Variants in NUP133 observed in about 807,000 individuals in gnomAD.
NUP133 encodes nucleoporin 133, also known as nuclear pore complex protein Nup133.
In NUP133, 66 loss-of-function variants were observed where a neutral mutation model predicts 146.2. That is an observed-to-expected ratio of 0.45 (90% confidence interval 0.37 to 0.55). The LOEUF (loss-of-function observed/expected upper bound fraction) is 0.55. NUP133 is among the 20% of genes least tolerant of loss of function. The pLI is 0.00. For missense variants in NUP133, 1,277 were observed against 1,374.8 expected, an observed-to-expected ratio of 0.93 and a Z score of 1.12; for synonymous variants, 521 against 498.8, an observed-to-expected ratio of 1.04 and a Z score of -0.59.
chr1:229,443,669 A>G lies in NUP133; in HGVS notation c.3334+1245T>C, dbSNP rs138237884. On this transcript the variant is annotated intron_variant, in intron 25 of 25. Transcript: ENST00000261396. The stretch of plus-strand genomic sequence containing the variant: ...AAGTACATTTGTCCTGTTATTAAAA[A>G]ACCGCACGCCTTATATATGTAAAAT... Among the ~76,000 whole-genome samples the G allele has an allele frequency of 9.1e-3, 1,380 of 152,026 alleles. 20 individuals are homozygous for G. The highest frequency in any genetic ancestry group is 0.031 in the African/African-American group (1,301 of 41,490).
chr1:229,464,342 T>A (rs1421317626), intron 18 of NUP133, among the ~76,000 whole-genome samples: 4 of 152,184 alleles, frequency 2.6e-5, no homozygotes, highest in Non-Finnish European at 4.4e-5. Flanking sequence ...TGCAATCCAG[T>A]TATTCACGTA....
chr1:229,462,160 A>G (rs1660708044), intron 19 of NUP133, among the ~76,000 whole-genome samples: 2 of 152,250 alleles, frequency 1.3e-5, no homozygotes, highest in Admixed American at 1.3e-4. Context: ...CTGGGATTAC[A>G]GGCGTGAGCC....
At position 229,441,452 on chromosome 1, in the gene NUP133, AT is replaced by A; in HGVS notation, c.*451del. ...AAAGTTGACATTTATCTTACTAGAC[AT>A]TTCCCATTAGCCCTAACTGAAACAG... On this transcript the variant is annotated 3_prime_UTR_variant, in exon 26 of 26. Coordinates refer to ENST00000261396, the MANE Select transcript of NUP133 (RefSeq NM_018230.3). 1.9e-6 allele frequency: 1 copy of A among 532,508 alleles called. No homozygotes were observed. 33.0% of individuals were successfully genotyped at this position (532,508 alleles called of 1,614,324 possible). A position where few individuals can be genotyped will look rare whatever the true frequency, so the allele number is the denominator to read the frequency against.
chr1:229,508,055 G>A lies in NUP133; in HGVS notation c.182+13C>T, dbSNP rs766473292. ...GCTGTTGGTTGCCAGACCCAACCAG[G>A]GAGATCACTTACCGCGAGCTTAGCG... On this transcript the variant is annotated intron_variant, in intron 1 of 25. Coordinates refer to ENST00000261396, the MANE Select transcript of NUP133 (RefSeq NM_018230.3). The A allele has an allele frequency of 1.4e-6, 2 of 1,478,728 alleles. No individual in the cohort carries two copies. Among genetic ancestry groups the A allele is most frequent in the African/African-American group, 2.9e-5 (2 of 69,250 alleles). The allele number at this position is 1,478,728 out of a possible 1,614,324, so 91.6% of individuals were successfully genotyped here. A position where few individuals can be genotyped will look rare whatever the true frequency, so the allele number is the denominator to read the frequency against.
chr1:229,451,498 G>A (rs1179649098), intron 22 of NUP133, among the ~76,000 whole-genome samples: 1 of 152,076 alleles, frequency 6.6e-6, no homozygotes, highest in Non-Finnish European at 1.5e-5. Context: ...CTTATCCCTG[G>A]TTAGATTACA....
In NUP133 at chr1:229,445,211, G is replaced by C. The variant is rs900095446; in HGVS notation, c.3246-209C>G. On this transcript the variant is annotated intron_variant, in intron 24 of 25. Coordinates refer to ENST00000261396, the MANE Select transcript of NUP133 (RefSeq NM_018230.3). ...ATTAGATATAAGACATTACACTCTA[G>C]GGAACATGCAAGAGACGCCAAGGAA... Among the ~76,000 whole-genome samples, 5 of 152,162 alleles carry C rather than the reference G, an allele frequency of 3.3e-5. No homozygotes were observed. In the East Asian group the frequency reaches 9.7e-4, roughly 29 times the overall value.
chr1:229,483,602 G>C (rs1330260840), intron 12 of NUP133, among the ~76,000 whole-genome samples: 1 of 151,562 alleles, frequency 6.6e-6, no homozygotes, highest in Non-Finnish European at 1.5e-5. Context: ...CTACTTGGGA[G>C]GCTGAGGCAG....
chr1:229,466,700 C>T lies in NUP133; in HGVS notation c.2133G>A (p.Leu711=). 6.2e-7 allele frequency: 1 copy of T among 1,613,784 alleles called. No individual in the cohort carries two copies. ...ECLLEHEEQV[L]RDAPMDSIEW... is the part of the protein sequence containing the mutation. ...CAATGGAATCCATAGGTGCATCCCT[C>T]AAGACTTGCTCCTCATGCTCCAGTA... Residue 711 remains leucine, a synonymous_variant, in exon 16 of 26, where the codon TTG becomes TTA. Coordinates refer to ENST00000261396, the MANE Select transcript of NUP133 (RefSeq NM_018230.3).
Position 229,441,366 on chromosome 1 carries a change from A to G in NUP133, c.*538T>C. ...AATGCTCCCAATGAGTTCATCAGTT[A>G]TCAAGCTCACATGAGTTAGGCCCAC... is the stretch of plus-strand genomic sequence containing the variant. On this transcript the variant is annotated 3_prime_UTR_variant, in exon 26 of 26. Transcript: ENST00000261396. 1.9e-6 allele frequency: 1 copy of G among 527,366 alleles called. No homozygotes were observed. The highest frequency in any genetic ancestry group is 1.4e-5 in the South Asian group (1 of 70,084). 32.7% of individuals were successfully genotyped at this position (527,366 alleles called of 1,614,324 possible). A position where few individuals can be genotyped will look rare whatever the true frequency, so the allele number is the denominator to read the frequency against.
chr1:229,446,161 C>T (rs1181781985), intron 24 of NUP133, among the ~76,000 whole-genome samples: 1 of 152,138 alleles, frequency 6.6e-6, no homozygotes, highest in African/African-American at 2.4e-5. Flanking sequence ...AATCCCAGCA[C>T]TTTGGGAGGC....
chr1:229,489,363 T>A (rs772180389), intron 9 of NUP133, among the ~76,000 whole-genome samples: 1 of 152,188 alleles, frequency 6.6e-6, no homozygotes, highest in Non-Finnish European at 1.5e-5. Context: ...ATCAATACCT[T>A]CTTTCTACCT....
At chr1:229,489,386 G>A (rs1170848262) in intron 9 of NUP133, among the ~76,000 whole-genome samples, 1 of 152,112 alleles carries the variant, frequency 6.6e-6, no homozygotes, top group Non-Finnish European at 1.5e-5. Context: ...ATACAGACAT[G>A]ACAATCCCTC....
At chr1:229,507,009 G>A (rs1458499272) in intron 1 of NUP133, among the ~76,000 whole-genome samples, 2 of 152,070 alleles carry the variant, frequency 1.3e-5, no homozygotes, top group Admixed American at 6.5e-5. Flanking sequence ...GTCTTATCAC[G>A]AGAATTAAAT....
At chr1:229,504,359 C>T (rs1262341655) in intron 2 of NUP133, among the ~76,000 whole-genome samples, 3 of 152,124 alleles carry the variant, frequency 2.0e-5, no homozygotes, top group Admixed American at 6.5e-5. Context: ...CCAGAAAAAT[C>T]ACAAAGATCT....
intron 15 of NUP133, among the ~76,000 whole-genome samples, 175 bp from the exon 16 acceptor site, chr1:229,466,931 CTT>C (rs779609962): frequency 2.6e-5 from 4 of 152,174 alleles, no homozygotes; most frequent in African/African-American, 4.8e-5. Context: ...CATCTCCTAA[CTT>C]TTAAAAGTCA....
intron 2 of NUP133, among the ~76,000 whole-genome samples, chr1:229,504,180 G>C (rs1409228949): frequency 2.0e-5 from 3 of 151,894 alleles, no homozygotes; most frequent in African/African-American, 7.3e-5. Flanking sequence ...ACAGTAAATA[G>C]AGTTATTCAC....
chr1:229,453,410 C>T (rs182050605), intron 21 of NUP133, among the ~76,000 whole-genome samples: 1 of 140,810 alleles, frequency 7.1e-6, no homozygotes, highest in East Asian at 1.9e-4. Flanking sequence ...TGTCTAGCAT[C>T]ACCTAGTGGC....
At chr1:229,483,395 C>T (rs1661264193) in intron 12 of NUP133, among the ~76,000 whole-genome samples, 1 of 152,148 alleles carries the variant, frequency 6.6e-6, no homozygotes, top group African/African-American at 2.4e-5. Context: ...GCCACCACAC[C>T]AGGCCATAAT....
rs148907603 is a variant in NUP133 at position 229,501,185 on chromosome 1, C to A, written c.406-322G>T. 2.5e-3 allele frequency among the ~76,000 whole-genome samples: 378 copies of A among 152,274 alleles called. 4 individuals carry two copies. Among genetic ancestry groups the A allele is most frequent in the African/African-American group, 8.8e-3 (366 of 41,550 alleles). ...ATGAGTGCTTAGGCTTCCTATGGAA[C>A]TTTCCCAATTTACTCTTGATTTGTT... On this transcript the variant is annotated intron_variant, in intron 3 of 25. Coordinates refer to ENST00000261396, the MANE Select transcript of NUP133 (RefSeq NM_018230.3).
Sources: allele counts gnomAD v4.1 joint callset (sites outside exome capture counted in the v4.1 genomes callset), GRCh38; gene constraint gnomAD v4.1.1; transcripts MANE v1.5; gene names NCBI Gene and HGNC (gene_info 2026-07-23, HGNC 2026-07-21).